Variants in LHFPL3 observed in about 807,000 individuals in gnomAD.
LHFPL3 encodes LHFPL tetraspan subfamily member 3 protein.
In LHFPL3, 5 loss-of-function variants were observed where a neutral mutation model predicts 19.3. That is an observed-to-expected ratio of 0.26 (90% confidence interval 0.14 to 0.54). LHFPL3 has a LOEUF of 0.54. Among genes scored for constraint, LHFPL3 ranks in the 20% least tolerant of loss-of-function variants. The pLI is 0.94. For synonymous variants in LHFPL3, 133 were observed against 126.2 expected (o/e 1.05, Z -0.36); for missense variants, 249 against 307.4 (o/e 0.81, Z 1.42).
chr7:104,616,211 G>A (rs1349241727), intron 1 of LHFPL3, among the ~76,000 whole-genome samples: 6 of 152,122 alleles, frequency 3.9e-5, no homozygotes, highest in Non-Finnish European at 7.3e-5. Context: ...CAAAGCTGGA[G>A]GCATCATACT....
At chr7:104,844,420 C>T (rs909531697) in intron 2 of LHFPL3, among the ~76,000 whole-genome samples, 7 of 152,226 alleles carry the variant, frequency 4.6e-5, no homozygotes, top group African/African-American at 1.7e-4. Context: ...ACTTATCTTT[C>T]TTTTAAAGTT....
At chr7:104,544,078 C>G (rs1794537985) in intron 1 of LHFPL3, among the ~76,000 whole-genome samples, 1 of 150,402 alleles carries the variant, frequency 6.6e-6, no homozygotes, top group Non-Finnish European at 1.5e-5. Flanking sequence ...GTTTGCAATT[C>G]ATTCAACTCA....
intron 1 of LHFPL3, among the ~76,000 whole-genome samples, chr7:104,460,266 T>C (rs1792631371): frequency 6.6e-6 from 1 of 152,238 alleles, no homozygotes; most frequent in Admixed American, 6.5e-5. Context: ...AGCATTTCAG[T>C]TGATTCCATG....
intron 2 of LHFPL3, among the ~76,000 whole-genome samples, chr7:104,811,934 C>T (rs915424087): frequency 2.2e-4 from 33 of 152,032 alleles, no homozygotes; most frequent in Admixed American, 9.8e-4. Flanking sequence ...ATTAATGTGT[C>T]CCCCCAACAA....
chr7:104,654,096 A>G lies in LHFPL3; in HGVS notation c.446-82579A>G, dbSNP rs1792083108. On this transcript the variant is annotated intron_variant, in intron 1 of 2. Coordinates refer to ENST00000424859, the MANE Select transcript of LHFPL3 (RefSeq NM_199000.3). ...TTGCTTCCAAAGCAAAACCATAAGT[A>G]GGCAGTTCCAAGTCCCATTGGATTG... Among the ~76,000 whole-genome samples the G allele has an allele frequency of 2.0e-5, 3 of 152,196 alleles. No homozygotes were observed. In the South Asian group the frequency reaches 6.2e-4, roughly 31 times the overall value.
chr7:104,710,837 C>T (rs1793287643), intron 1 of LHFPL3, among the ~76,000 whole-genome samples: 1 of 152,166 alleles, frequency 6.6e-6, no homozygotes, highest in African/African-American at 2.4e-5. Context: ...GTTTTTCTTC[C>T]AGTTTCCCTG....
At chr7:104,715,911 T>G (rs1348145516) in intron 1 of LHFPL3, among the ~76,000 whole-genome samples, 4 of 152,296 alleles carry the variant, frequency 2.6e-5, no homozygotes, top group Admixed American at 1.3e-4. Flanking sequence ...CCTCATAAAA[T>G]AAGCCTGGAA....
intron 1 of LHFPL3, among the ~76,000 whole-genome samples, chr7:104,359,720 C>T (rs58811322): frequency 0.25 from 37,612 of 152,126 alleles, 5,163 homozygotes; most frequent in East Asian, 0.39. Flanking sequence ...GGGTAGAATG[C>T]GCTAAATGGT....
chr7:104,488,606 T>C (rs1355975967), intron 1 of LHFPL3, among the ~76,000 whole-genome samples: 2 of 152,142 alleles, frequency 1.3e-5, no homozygotes, highest in African/African-American at 4.8e-5. Flanking sequence ...TAGCCTGTCA[T>C]CCCCTCTGTG....
At chr7:104,780,877 T>C (rs1463027880) in intron 2 of LHFPL3, among the ~76,000 whole-genome samples, 3 of 152,224 alleles carry the variant, frequency 2.0e-5, no homozygotes, top group African/African-American at 7.2e-5. Flanking sequence ...ATATCCATTC[T>C]CTGTCCTTCA....
chr7:104,846,810 T>C (rs1466789077), intron 2 of LHFPL3, among the ~76,000 whole-genome samples: 1 of 152,216 alleles, frequency 6.6e-6, no homozygotes, highest in Non-Finnish European at 1.5e-5. Flanking sequence ...AGAAAGTTGC[T>C]CTGCCTCTCT....
intron 1 of LHFPL3, among the ~76,000 whole-genome samples, chr7:104,340,415 G>A (rs549578794): frequency 7.9e-5 from 12 of 151,968 alleles, no homozygotes; most frequent in Non-Finnish European, 1.8e-4. Context: ...TATTTTCTTC[G>A]TTCTTAGGAT....
chr7:104,412,903 TTG>T (rs950626744), intron 1 of LHFPL3, among the ~76,000 whole-genome samples: 1 of 152,224 alleles, frequency 6.6e-6, no homozygotes, highest in Non-Finnish European at 1.5e-5. Flanking sequence ...ATAAATGTGT[TTG>T]TCAGGTCTGT....
chr7:104,352,889 C>T (rs182483667), intron 1 of LHFPL3, among the ~76,000 whole-genome samples: 89 of 152,250 alleles, frequency 5.8e-4, no homozygotes, highest in Middle Eastern at 3.4e-3. Flanking sequence ...TTGGGGCTTC[C>T]CAACTCCATT....
At chr7:104,433,926 T>C (rs1199001584) in intron 1 of LHFPL3, among the ~76,000 whole-genome samples, 2 of 152,344 alleles carry the variant, frequency 1.3e-5, no homozygotes, top group East Asian at 3.9e-4. Flanking sequence ...GTTAAATCAA[T>C]GGATAAAAAT....
chr7:104,631,159 AAC>A (rs1175571388), intron 1 of LHFPL3, among the ~76,000 whole-genome samples: 2 of 152,078 alleles, frequency 1.3e-5, no homozygotes, highest in Admixed American at 6.6e-5. Flanking sequence ...CAACAACAAC[AAC>A]AAAGCATTTA....
At chr7:104,556,482 C>A (rs957948086) in intron 1 of LHFPL3, among the ~76,000 whole-genome samples, 1 of 152,214 alleles carries the variant, frequency 6.6e-6, no homozygotes, top group African/African-American at 2.4e-5. Flanking sequence ...ACCTTGGCCC[C>A]TTTTAGTCAC....
chr7:104,412,324 G>A (rs539828256), intron 1 of LHFPL3, among the ~76,000 whole-genome samples: 32 of 151,976 alleles, frequency 2.1e-4, no homozygotes, highest in Non-Finnish European at 3.7e-4. Context: ...CCCATGGGTC[G>A]GGGAGTCACC....
intron 2 of LHFPL3, among the ~76,000 whole-genome samples, chr7:104,775,579 C>T (rs1382449360): frequency 6.6e-6 from 1 of 151,882 alleles, no homozygotes; most frequent in Non-Finnish European, 1.5e-5. Flanking sequence ...GATGGAGAAA[C>T]ACTATAGAGA....
Sources: gnomAD v4.1 joint callset for allele counts (sites outside exome capture counted in the v4.1 genomes callset) on GRCh38, gnomAD v4.1.1 for gene constraint, MANE v1.5 for transcripts, NCBI Gene and HGNC (gene_info 2026-07-23, HGNC 2026-07-21) for gene names.